Variants in COL6A5 observed in about 807,000 individuals in gnomAD.
The protein encoded by COL6A5 is collagen alpha-5(VI) chain.
In COL6A5, 48 loss-of-function variants were observed where a neutral mutation model predicts 65.6. The ratio of observed to expected loss-of-function variants is 0.73; its 90% confidence interval spans 0.58 to 0.93. The LOEUF is 0.93. Among genes scored for constraint, COL6A5 ranks in the 40% least tolerant of loss-of-function variants. COL6A5 has a pLI of 0.00. For missense variants in COL6A5, 914 were observed against 928.3 expected (o/e 0.98, Z 0.20); for synonymous variants, 291 against 322.8 (o/e 0.90, Z 1.05).
In COL6A5 at chr3:130,426,210, C is replaced by G; in HGVS notation, c.5164-4C>G. 6.4e-7 allele frequency: 1 copy of G among 1,550,846 alleles called. No individual in the cohort carries two copies. The highest frequency in any genetic ancestry group is 8.7e-7 in the Non-Finnish European group (1 of 1,146,478). ...CTAACTTGCTCTGTTTTTGTTTTTC[C>G]TAGGGCATTAAAGGCATGGCAGGGC... On this transcript the variant is annotated splice_region_variant and splice_polypyrimidine_tract_variant and intron_variant and NMD_transcript_variant, in intron 29 of 41. Coordinates refer to the COL6A5 transcript ENST00000312481.
At chr3:130,365,715 G>C (rs1316543646) in intron 1 of COL6A5, among the ~76,000 whole-genome samples, 1 of 152,154 alleles carries the variant, frequency 6.6e-6, no homozygotes, top group Non-Finnish European at 1.5e-5. Flanking sequence ...TTTCTGTAGA[G>C]AGCTTGCTTA....
At position 130,381,343 on chromosome 3, in the gene COL6A5, T is replaced by G. The variant is rs531088255; in HGVS notation, c.1300+1293T>G. 2.6e-4 allele frequency among the ~76,000 whole-genome samples: 40 copies of G among 152,254 alleles called. 1 individual carries two copies. Among genetic ancestry groups the G allele is most frequent in the Non-Finnish European group, 4.3e-4 (29 of 67,994 alleles). ...TTAAATACTCTTTTGAAACATTCCT[T>G]TAGGTTGAGAAAAATATTCCATTTA... On this transcript the variant is annotated intron_variant and NMD_transcript_variant, in intron 4 of 41. Coordinates refer to the COL6A5 transcript ENST00000312481.
At chr3:130,379,632 C>A (rs1396392056) in exon 4 of COL6A5, 1 of 1,551,414 alleles carries the variant, frequency 6.4e-7, no homozygotes, top group Non-Finnish European at 8.7e-7. Context: ...CAAGCACAAC[C>A]CAATCTGAAT....
chr3:130,430,178 CG>C (rs1342835721), upstream of COL6A5, among the ~76,000 whole-genome samples: 59 of 152,240 alleles, frequency 3.9e-4, no homozygotes, highest in African/African-American at 1.4e-3. Context: ...TCTTTAAGCT[CG>C]GTGCAAGTTT....
At chr3:130,468,750 C>T (rs1378555438) in intron 5 of COL6A5, 45 bp from the exon 38 acceptor site, 2 of 1,413,470 alleles carry the variant, frequency 1.4e-6, no homozygotes, top group South Asian at 2.6e-5. Flanking sequence ...GAGCTCCAAG[C>T]TTATCTTTCC....
At chr3:130,395,344 T>A in exon 8 of COL6A5, 1 of 1,550,250 alleles carries the variant, frequency 6.5e-7, no homozygotes, top group Non-Finnish European at 8.7e-7. Flanking sequence ...ATAAGGAACA[T>A]CTCCTGCCAA....
chr3:130,439,667 G>C (rs1477717745), intron 2 of COL6A5, 52 bp downstream of exon 34: 3 of 1,212,578 alleles, frequency 2.5e-6, no homozygotes, highest in East Asian at 2.5e-5. Context: ...ATGCCTTCTA[G>C]ATGAGTTATT....
At chr3:130,426,122 A>G (rs1937597113) in intron 29 of COL6A5, 92 bp from the exon 30 acceptor site, 5 of 1,242,596 alleles carry the variant, frequency 4.0e-6, no homozygotes, top group Non-Finnish European at 5.7e-6. Context: ...GCTTTTAAGA[A>G]AGAAAGTTTT....
rs76056395 is a variant in COL6A5, at chr3:130,389,127, T to G, written c.2409T>G (p.Ala803=). Residue 803 remains alanine, a synonymous_variant and NMD_transcript_variant, in exon 6 of 42, where the codon GCT becomes GCG. Coordinates refer to the COL6A5 transcript ENST00000312481. ...GGAAACTTATCTTTCGTGTGTGTGC[T>G]CTCCATGGTAAGTGTCCCTGTTATC... The G allele has an allele frequency of 9.7e-5, 139 of 1,426,620 alleles. No individual in the cohort carries two copies. In the African/African-American group the frequency reaches 1.7e-3, roughly 18 times the overall value. The allele number at this position is 1,426,620 out of a possible 1,614,324, so 88.4% of individuals were successfully genotyped here.
intron 7 of COL6A5, among the ~76,000 whole-genome samples, chr3:130,394,424 G>A (rs963633747): frequency 2.8e-4 from 42 of 152,214 alleles, no homozygotes; most frequent in Admixed American, 1.6e-3. Flanking sequence ...TGTTGTTAGT[G>A]TATGCCAAAA....
chr3:130,376,386 C>T (rs889798137), exon 3 of COL6A5: 3 of 1,613,618 alleles, frequency 1.9e-6, no homozygotes, highest in Admixed American at 3.3e-5. Context: ...AGCCCTGGCC[C>T]AGTACAGCGA....
rs529580756 is a variant in COL6A5 at position 130,413,067 on chromosome 3, G to A, written c.4663-478G>A. Among the ~76,000 whole-genome samples the A allele has an allele frequency of 2.4e-4, 37 of 152,150 alleles. No homozygotes were observed. The South Asian group carries it at 7.5e-3, about 31-fold the overall frequency. On this transcript the variant is annotated intron_variant and NMD_transcript_variant, in intron 20 of 41. Transcript: ENST00000312481. ...TGCAAATCTCATTCTTGCTGTTTAG[G>A]GATAAGGAAGTTAGGATCTGGGGCC...
intron 27 of COL6A5, 71 bp downstream of exon 27, chr3:130,421,431 A>G: frequency 2.8e-6 from 4 of 1,414,094 alleles, no homozygotes; most frequent in Non-Finnish European, 3.9e-6. Context: ...ATAAACCTGT[A>G]GGTCTGAATG....
In COL6A5 at chr3:130,410,107, A is replaced by C. The variant is rs565983323; in HGVS notation, c.4608+33A>C. 1.0e-4 allele frequency: 149 copies of C among 1,441,048 alleles called. 1 individual carries two copies. In the South Asian group the frequency reaches 1.8e-3, roughly 17 times the overall value. The allele number at this position is 1,441,048 out of a possible 1,614,324, so 89.3% of individuals were successfully genotyped here. On this transcript the variant is annotated intron_variant and NMD_transcript_variant, in intron 19 of 41. Coordinates refer to the COL6A5 transcript ENST00000312481. The stretch of plus-strand genomic sequence containing the variant: ...GATCTGTTTTATCTATGAGTTGATT[A>C]ATTCTGTTATTGATCCAAGTAAATT...
At chr3:130,387,484 G>A (rs1936234543) in intron 5 of COL6A5, among the ~76,000 whole-genome samples, 1 of 152,072 alleles carries the variant, frequency 6.6e-6, no homozygotes, top group Admixed American at 6.6e-5. Context: ...CAGTGGTCAA[G>A]GCCACTCTGT....
At chr3:130,363,621 T>C (rs1410218361) in intron 1 of COL6A5, among the ~76,000 whole-genome samples, 2 of 152,206 alleles carry the variant, frequency 1.3e-5, no homozygotes, top group African/African-American at 2.4e-5. Flanking sequence ...CAGTGTGCTG[T>C]GGTGTATTTA....
At chr3:130,354,917 C>T (rs1274814147) in intron 1 of COL6A5, among the ~76,000 whole-genome samples, 1 of 152,090 alleles carries the variant, frequency 6.6e-6, no homozygotes, top group African/African-American at 2.4e-5. Flanking sequence ...AAGTAAAATA[C>T]ACAGCAGATT....
At chr3:130,454,767 C>T (rs1448960993) in intron 4 of COL6A5, among the ~76,000 whole-genome samples, 3 of 152,126 alleles carry the variant, frequency 2.0e-5, no homozygotes, top group African/African-American at 2.4e-5. Flanking sequence ...GTATTTTCTG[C>T]ATTTTCCATG....
At chr3:130,381,144 A>T (rs1346848467) in intron 4 of COL6A5, among the ~76,000 whole-genome samples, 3 of 152,150 alleles carry the variant, frequency 2.0e-5, no homozygotes, top group African/African-American at 7.2e-5. Context: ...CACCTAAGTT[A>T]TAAAAATGGA....
Sources: gnomAD v4.1 joint callset for allele counts (sites outside exome capture counted in the v4.1 genomes callset) on GRCh38, gnomAD v4.1.1 for gene constraint, MANE v1.5 for transcripts, NCBI Gene and HGNC (gene_info 2026-07-23, HGNC 2026-07-21) for gene names.